UBLCP1: variants seen among roughly 807,000 people sequenced by gnomAD.
UBLCP1 encodes the protein ubiquitin-like domain-containing CTD phosphatase 1.
UBLCP1 carries 28 observed loss-of-function variants against 42.4 expected under a neutral mutation model. The observed-to-expected ratio is 0.66, with a 90% CI of 0.49 to 0.90. The LOEUF is 0.90. UBLCP1 is among the 40% of genes least tolerant of loss of function. The pLI, the probability that UBLCP1 is intolerant of heterozygous loss-of-function variation, is 0.00. For missense variants in UBLCP1, 279 were observed against 374.5 expected (o/e 0.75, Z 2.10); for synonymous variants, 122 against 120.8 (o/e 1.01, Z -0.07).
intron 1 of UBLCP1, among the ~76,000 whole-genome samples, chr5:159,268,137 T>G (rs1753420634): frequency 6.6e-6 from 1 of 151,496 alleles, no homozygotes; most frequent in Non-Finnish European, 1.5e-5. Context: ...CTTACCAAAT[T>G]ACTTTCTCTA....
At position 159,270,397 on chromosome 5, in the gene UBLCP1, T is replaced by A. The variant is rs1333751575; in HGVS notation, c.284T>A (p.Val95Asp). Reference sequence around the variant, plus strand: ...GGTCCACCCCCTGACAATGATGATGTTGTTAATGACTTTGATATTGAAGAT... The same window carrying A: ...GGTCCACCCCCTGACAATGATGATGATGTTAATGACTTTGATATTGAAGAT... ...VLGPPPDNDD[V>D]VNDFDIEDEV... is the part of the protein sequence containing the mutation. Residue 95 changes from valine (V) to aspartate (D), a missense_variant, in exon 4 of 11, where the codon GTT (valine) becomes GAT (aspartate). Coordinates refer to ENST00000296786, the MANE Select transcript of UBLCP1 (RefSeq NM_145049.5). 1 of 1,613,572 alleles carries A rather than the reference T, an allele frequency of 6.2e-7. No homozygotes were observed. Among genetic ancestry groups the A allele is most frequent in the Non-Finnish European group, 8.5e-7 (1 of 1,179,708 alleles).
intron 8 of UBLCP1, 147 bp downstream of exon 8, chr5:159,275,393 A>T: frequency 2.2e-6 from 1 of 449,110 alleles, no homozygotes. Context: ...AATGTATTTA[A>T]GGTTAAAAGA....
intron 1 of UBLCP1, among the ~76,000 whole-genome samples, chr5:159,264,712 C>T (rs1263480397): frequency 6.6e-6 from 1 of 152,182 alleles, no homozygotes; most frequent in Non-Finnish European, 1.5e-5. Context: ...CTTGTTAAAA[C>T]ACAGATTCCT....
intron 2 of UBLCP1, among the ~76,000 whole-genome samples, chr5:159,269,705 A>G (rs899112146): frequency 2.6e-5 from 4 of 152,218 alleles, no homozygotes; most frequent in African/African-American, 7.2e-5. Flanking sequence ...GGGAGAAAAT[A>G]ACCCTTGTAT....
Position 159,270,239 on chromosome 5 carries a change from C to T in UBLCP1, c.247-121C>T, listed in dbSNP as rs1185249562. ...ACGAATTATTAATTGTGGAAATTTT[C>T]CAGTATGGGCTTAAAAGACTCTGGA... On this transcript the variant is annotated intron_variant, in intron 3 of 10. Transcript: ENST00000296786. 4 of 876,746 alleles carry T rather than the reference C, an allele frequency of 4.6e-6. No homozygotes were observed. In the Admixed American group the frequency reaches 1.1e-4, roughly 24 times the overall value. The allele number at this position is 876,746 out of a possible 1,614,324, so 54.3% of individuals were successfully genotyped here.
At chr5:159,277,862 G>T (rs1753557207) in intron 8 of UBLCP1, among the ~76,000 whole-genome samples, 1 of 152,104 alleles carries the variant, frequency 6.6e-6, no homozygotes, top group African/African-American at 2.4e-5. Flanking sequence ...GACTCCATGT[G>T]ACTCCCAAGC....
At chr5:159,282,906 T>C (rs917573520) in intron 9 of UBLCP1, among the ~76,000 whole-genome samples, 3 of 152,032 alleles carry the variant, frequency 2.0e-5, no homozygotes, top group Admixed American at 6.6e-5. Context: ...ACTAGAATGA[T>C]AGGAGGCGGG....
intron 8 of UBLCP1, among the ~76,000 whole-genome samples, chr5:159,275,564 C>G (rs987405855): frequency 1.3e-5 from 2 of 151,938 alleles, no homozygotes; most frequent in African/African-American, 2.4e-5. Context: ...GCACCCGCCA[C>G]CACGCCCGGC....
Position 159,271,552 on chromosome 5 carries a change from C to T in UBLCP1, c.449-471C>T, listed in dbSNP as rs184580526. 7.3e-3 allele frequency among the ~76,000 whole-genome samples: 1,111 copies of T among 152,286 alleles called. 15 individuals are homozygous for T. Among genetic ancestry groups the T allele is most frequent in the African/African-American group, 0.025 (1,053 of 41,558 alleles). On this transcript the variant is annotated intron_variant, in intron 5 of 10. Coordinates refer to ENST00000296786, the MANE Select transcript of UBLCP1 (RefSeq NM_145049.5). Reference sequence around the variant, plus strand: ...GGCAAGAAATAGTTAACTTCTGATACTGGAATTTATTTCTAACCCTAAACC... The same window carrying T: ...GGCAAGAAATAGTTAACTTCTGATATTGGAATTTATTTCTAACCCTAAACC...
At chr5:159,278,595 C>T (rs894314916) in intron 9 of UBLCP1, among the ~76,000 whole-genome samples, 7 of 152,070 alleles carry the variant, frequency 4.6e-5, no homozygotes, top group African/African-American at 1.2e-4. Context: ...ATTTTTGAGA[C>T]GGGATCTCAC....
Position 159,283,357 on chromosome 5 carries a change from A to C in UBLCP1, c.929+18A>C, listed in dbSNP as rs1311331375. 5.1e-6 allele frequency: 8 copies of C among 1,556,160 alleles called. No homozygotes were observed. Among genetic ancestry groups the C allele is most frequent in the Non-Finnish European group, 6.1e-6 (7 of 1,150,950 alleles). ...TGGGAAAGGTAAGTTTTAATTGCTTATTTATTTTCTCTTTACATCAATGAA... is the reference window on the plus strand; with the variant it reads ...TGGGAAAGGTAAGTTTTAATTGCTTCTTTATTTTCTCTTTACATCAATGAA... On this transcript the variant is annotated intron_variant, in intron 10 of 10. Transcript: ENST00000296786.
At position 159,275,403 on chromosome 5, in the gene UBLCP1, A is replaced by ATT. The variant is rs56675251; in HGVS notation, c.684+183_684+184dup. The ATT allele has an allele frequency of 4.2e-3, 693 of 164,286 alleles. 26 individuals carry two copies. Among genetic ancestry groups the ATT allele is most frequent in the African/African-American group, 0.02 (341 of 17,424 alleles). The allele number at this position is 164,286 out of a possible 1,614,324, so 10.2% of individuals were successfully genotyped here. On this transcript the variant is annotated intron_variant, in intron 8 of 10. Transcript: ENST00000296786. The stretch of plus-strand genomic sequence containing the variant: ...AGGAAAATGTATTTAAGGTTAAAAG[A>ATT]TTTTTTTTTTTTTTTTTTTTTTTTT...
intron 9 of UBLCP1, among the ~76,000 whole-genome samples, chr5:159,281,284 A>G (rs1200234947): frequency 1.3e-5 from 2 of 152,220 alleles, no homozygotes; most frequent in Admixed American, 1.3e-4. Context: ...TAATTGCTTA[A>G]AAGTTAATTT....
chr5:159,284,813 C>A, intron 10 of UBLCP1, 91 bp from the exon 11 acceptor site: 1 of 1,332,374 alleles, frequency 7.5e-7, no homozygotes, highest in South Asian at 1.2e-5. Flanking sequence ...AATGTTTTGT[C>A]ATTAGAACAA....
At chr5:159,264,187 T>C (rs1193212565) in intron 1 of UBLCP1, among the ~76,000 whole-genome samples, 4 of 152,332 alleles carry the variant, frequency 2.6e-5, no homozygotes, top group African/African-American at 7.2e-5. Flanking sequence ...CAACACAGTA[T>C]GTTAGGTAGA....
rs897267687 is a variant in UBLCP1 at position 159,285,870 on chromosome 5, A to G, written c.*939A>G. The G allele has an allele frequency of 9.8e-5, 15 of 152,734 alleles. No individual in the cohort carries two copies. Among genetic ancestry groups the G allele is most frequent in the African/African-American group, 3.6e-4 (15 of 41,448 alleles). The allele number at this position is 152,734 out of a possible 1,614,324, so 9.5% of individuals were successfully genotyped here. A position where few individuals can be genotyped will look rare whatever the true frequency, so the allele number is the denominator to read the frequency against. ...AGATTAAAAAAATATATTATTTGCA[A>G]TGCTTAAGCCTGCAGATACGTAATG... On this transcript the variant is annotated 3_prime_UTR_variant, in exon 11 of 11. Coordinates refer to ENST00000296786, the MANE Select transcript of UBLCP1 (RefSeq NM_145049.5).
chr5:159,282,533 C>T (rs949272071), intron 9 of UBLCP1, among the ~76,000 whole-genome samples: 2 of 152,056 alleles, frequency 1.3e-5, no homozygotes, highest in African/African-American at 4.8e-5. Flanking sequence ...ATTGCAGTCC[C>T]CTACCTCGGT....
At position 159,275,128 on chromosome 5, in the gene UBLCP1, A is replaced by G. The variant is rs1584739914; in HGVS notation, c.586-20A>G. ...TTCCACACTACTATGTTTTAACCTC[A>G]CAAATATTTGTGTTTATAGGAGCTG... On this transcript the variant is annotated intron_variant, in intron 7 of 10. Transcript: ENST00000296786. 3 of 1,603,636 alleles carry G rather than the reference A, an allele frequency of 1.9e-6. No homozygotes were observed. Among genetic ancestry groups the G allele is most frequent in the East Asian group, 4.5e-5 (2 of 44,706 alleles).
intron 3 of UBLCP1, 43 bp from the exon 4 acceptor site, chr5:159,270,317 T>G (rs1408899508): frequency 1.4e-6 from 2 of 1,451,908 alleles, no homozygotes; most frequent in African/African-American, 2.8e-5. Context: ...ATTTGTTATA[T>G]TAAGGATAAT....
Sources: gnomAD v4.1 joint callset for allele counts (sites outside exome capture counted in the v4.1 genomes callset) on GRCh38, gnomAD v4.1.1 for gene constraint, MANE v1.5 for transcripts, NCBI Gene and HGNC (gene_info 2026-07-23, HGNC 2026-07-21) for gene names.